KLHL29: variants seen among roughly 807,000 people sequenced by gnomAD.
KLHL29 encodes kelch like family member 29, also known as kelch-like protein 29.
KLHL29 carries 21 observed loss-of-function variants against 80.4 expected under a neutral mutation model. The ratio of observed to expected loss-of-function variants is 0.26; its 90% CI spans 0.19 to 0.38. KLHL29 has a LOEUF of 0.38. KLHL29 is among the 10% of genes least tolerant of loss of function. The probability of loss-of-function intolerance (pLI) is 1.00; values close to 1 mark genes in which losing one functional copy is unlikely to be tolerated. For synonymous variants in KLHL29, 511 were observed against 526.8 expected (o/e 0.97, Z 0.41); for missense variants, 867 against 1,223.9 (o/e 0.71, Z 4.35).
intron 2 of KLHL29, among the ~76,000 whole-genome samples, chr2:23,483,619 TC>T (rs1475044435): frequency 6.6e-6 from 1 of 152,220 alleles, no homozygotes; most frequent in Non-Finnish European, 1.5e-5. Context: ...TTATGTTACC[TC>T]CTTCTGTGAC....
At chr2:23,439,246 C>G (rs1481584404) in intron 1 of KLHL29, among the ~76,000 whole-genome samples, 1 of 151,774 alleles carries the variant, frequency 6.6e-6, no homozygotes, top group African/African-American at 2.4e-5. Flanking sequence ...TTTTGTTGAT[C>G]GTTTCAAAAA....
chr2:23,387,682 C>T (rs780599574), intron 1 of KLHL29, among the ~76,000 whole-genome samples: 9 of 152,036 alleles, frequency 5.9e-5, no homozygotes, highest in Non-Finnish European at 1.0e-4. Context: ...GGTTGGCATG[C>T]GTGTATTTGA....
Position 23,703,768 on chromosome 2 carries a change from G to A in KLHL29, c.2349G>A (p.Leu783=). The A allele has an allele frequency of 6.5e-7, 1 of 1,537,364 alleles. No homozygotes were observed. The highest frequency in any genetic ancestry group is 1.4e-5 in the African/African-American group (1 of 73,176). ...AVTLNGFVFI[L]GGAYARATTI... ...CGCTCAATGGCTTCGTTTTCATCCT[G>A]GGCGGGGCTTATGCCAGAGCTACCA... is the stretch of plus-strand genomic sequence containing the variant. Residue 783 remains leucine (L), a synonymous_variant, in exon 13 of 14, where the codon CTG becomes CTA. Coordinates refer to ENST00000486442, the MANE Select transcript of KLHL29 (RefSeq NM_052920.2).
chr2:23,646,044 A>G (rs1370485526), intron 5 of KLHL29, among the ~76,000 whole-genome samples: 1 of 140,076 alleles, frequency 7.1e-6, no homozygotes, highest in Admixed American at 7.1e-5. Context: ...AGCAAGCTGT[A>G]GGATTTTTTT....
chr2:23,516,464 G>A (rs1007945664), intron 2 of KLHL29, among the ~76,000 whole-genome samples: 3 of 151,964 alleles, frequency 2.0e-5, no homozygotes, highest in African/African-American at 4.8e-5. Context: ...CAAACTGGAC[G>A]CACTCCTTTC....
chr2:23,625,326 T>C (rs1368570807), intron 3 of KLHL29, among the ~76,000 whole-genome samples: 2 of 152,188 alleles, frequency 1.3e-5, no homozygotes, highest in Non-Finnish European at 2.9e-5. Flanking sequence ...TTTTATTAAG[T>C]GGAACAAGCT....
intron 2 of KLHL29, among the ~76,000 whole-genome samples, chr2:23,555,060 C>A (rs949608977): frequency 6.6e-6 from 1 of 152,064 alleles, no homozygotes; most frequent in African/African-American, 2.4e-5. Context: ...TCCATCAAGG[C>A]AGGCCCTGGG....
At chr2:23,420,464 C>T (rs1052627545) in intron 1 of KLHL29, among the ~76,000 whole-genome samples, 10 of 152,214 alleles carry the variant, frequency 6.6e-5, no homozygotes, top group Non-Finnish European at 8.8e-5. Context: ...CTCCCGAGAC[C>T]GGGCTGTCTG....
chr2:23,703,041 A>G (rs900361292), intron 11 of KLHL29, 145 bp from the exon 12 acceptor site: 10 of 505,656 alleles, frequency 2.0e-5, no homozygotes, highest in African/African-American at 1.8e-4. Context: ...GTCTCATCGC[A>G]GTGCCCCCCA....
At chr2:23,546,508 A>T (rs1227647221) in intron 2 of KLHL29, among the ~76,000 whole-genome samples, 4 of 152,076 alleles carry the variant, frequency 2.6e-5, no homozygotes, top group Non-Finnish European at 4.4e-5. Context: ...CATGAAAGGT[A>T]TCCGGCACCC....
At chr2:23,463,931 C>T (rs1371581850) in intron 1 of KLHL29, among the ~76,000 whole-genome samples, 1 of 152,252 alleles carries the variant, frequency 6.6e-6, no homozygotes, top group Non-Finnish European at 1.5e-5. Context: ...AGGTGCCTGT[C>T]CTGGAAAATG....
chr2:23,413,595 C>A (rs1392384351), intron 1 of KLHL29, among the ~76,000 whole-genome samples: 2 of 152,184 alleles, frequency 1.3e-5, no homozygotes, highest in African/African-American at 2.4e-5. Context: ...AGTCTCCACC[C>A]CTGGGGAGAG....
intron 1 of KLHL29, among the ~76,000 whole-genome samples, chr2:23,439,400 G>C (rs1187402803): frequency 6.6e-6 from 1 of 151,646 alleles, no homozygotes; most frequent in Non-Finnish European, 1.5e-5. Flanking sequence ...TAATTGTGAT[G>C]TTAGGGTGTC....
intron 3 of KLHL29, among the ~76,000 whole-genome samples, chr2:23,578,369 G>A (rs1235462414): frequency 6.6e-6 from 1 of 152,188 alleles, no homozygotes; most frequent in African/African-American, 2.4e-5. Flanking sequence ...TGTGACCTTA[G>A]CAAGTTGCTT....
intron 2 of KLHL29, among the ~76,000 whole-genome samples, chr2:23,552,761 C>CTTTGTTTTTTTTTTTTTTTTTTTTTT (rs1667160740): frequency 1.0e-5 from 1 of 95,576 alleles, no homozygotes; most frequent in African/African-American, 4.7e-5. Flanking sequence ...GGTTTCTTTT[C>CTTTGTTTTTTTTTTTTTTTTTTTTTT]TTTTTTTTTT....
In KLHL29 at chr2:23,431,326, C is replaced by T. The variant is rs185266922; in HGVS notation, c.-153-44234C>T. Among the ~76,000 whole-genome samples the T allele has an allele frequency of 1.6e-4, 24 of 152,312 alleles. No homozygotes were observed. The East Asian group carries it at 3.7e-3, about 23-fold the overall frequency. On this transcript the variant is annotated intron_variant, in intron 1 of 13. Coordinates refer to ENST00000486442, the MANE Select transcript of KLHL29 (RefSeq NM_052920.2). The stretch of plus-strand genomic sequence containing the variant: ...AGAACAGCAGTGCAGTGAATAAGAC[C>T]ACAGCTGGTTTTTCTCCGTGGGAAG...
intron 1 of KLHL29, among the ~76,000 whole-genome samples, chr2:23,416,686 A>G (rs865998640): frequency 6.6e-6 from 1 of 152,206 alleles, no homozygotes; most frequent in Middle Eastern, 3.2e-3. Context: ...ATTGCTGCCT[A>G]TCGGGTAAAG....
chr2:23,536,914 A>ACTCTCTCTCTCCCTCTCT (rs1175539908), intron 2 of KLHL29, among the ~76,000 whole-genome samples: 2 of 72,410 alleles, frequency 2.8e-5, no homozygotes, highest in Non-Finnish European at 2.5e-5. Flanking sequence ...ACACACACAC[A>ACTCTCTCTCTCCCTCTCT]CACACTCTCT....
chr2:23,579,613 CCAGGCCCATCATATCT>C (rs1667930833), intron 3 of KLHL29, among the ~76,000 whole-genome samples: 2 of 152,160 alleles, frequency 1.3e-5, no homozygotes, highest in African/African-American at 4.8e-5. Flanking sequence ...CTGCCATAGT[CCAGGCCCATCATATCT>C]CACTTGAGGG....
Sources: gnomAD v4.1 joint callset for allele counts (sites outside exome capture counted in the v4.1 genomes callset) on GRCh38, gnomAD v4.1.1 for gene constraint, MANE v1.5 for transcripts, NCBI Gene and HGNC (gene_info 2026-07-23, HGNC 2026-07-21) for gene names.